The following SBF2 variants were observed in gnomAD, a reference collection of about 807,000 sequenced individuals.
SBF2 encodes SET binding factor 2.
A neutral mutation model predicts 225.2 loss-of-function variants in SBF2; 112 were observed. The ratio of observed to expected loss-of-function variants is 0.50; its 90% CI spans 0.43 to 0.58. The LOEUF is 0.58. Among genes scored for constraint, SBF2 ranks in the 20% least tolerant of loss-of-function variants. The pLI, the probability that SBF2 is intolerant of heterozygous loss-of-function variation, is 0.00. For synonymous variants in SBF2, 763 were observed against 773.3 expected (o/e 0.99, Z 0.22); for missense variants, 1,996 against 2,206.2 (o/e 0.90, Z 1.91).
intron 1 of SBF2, among the ~76,000 whole-genome samples, chr11:10,235,824 A>G (rs1256058841): frequency 1.3e-5 from 2 of 152,128 alleles, no homozygotes; most frequent in Non-Finnish European, 2.9e-5. Context: ...TTAAAAATGT[A>G]GTCCAGGATG....
At chr11:10,142,347 A>G (rs1011565516) in intron 2 of SBF2, among the ~76,000 whole-genome samples, 12 of 152,182 alleles carry the variant, frequency 7.9e-5, no homozygotes, top group Admixed American at 5.9e-4. Flanking sequence ...TCCTCCTGCA[A>G]TGTGAAAGGA....
chr11:9,915,637 T>C (rs1863021873), intron 16 of SBF2: 1 of 152,052 alleles, frequency 6.6e-6, no homozygotes, highest in African/African-American at 2.4e-5. Context: ...TTAAGGTTCC[T>C]GTGAGAAAAA....
At chr11:10,125,029 A>C (rs1591012181) in intron 2 of SBF2, among the ~76,000 whole-genome samples, 1 of 147,356 alleles carries the variant, frequency 6.8e-6, no homozygotes, top group Admixed American at 7.0e-5. Context: ...AATTGCTTGA[A>C]CCCGGGAGGC....
intron 16 of SBF2, among the ~76,000 whole-genome samples, chr11:9,916,601 TTTTTTC>T (rs902874881): frequency 2.7e-5 from 4 of 149,576 alleles, no homozygotes; most frequent in African/African-American, 7.4e-5. Context: ...TCTTTTCCTT[TTTTTTC>T]TTTTTTTTGA....
intron 28 of SBF2, among the ~76,000 whole-genome samples, chr11:9,817,850 A>G: frequency 6.6e-6 from 1 of 152,082 alleles, no homozygotes; most frequent in East Asian, 1.9e-4. Context: ...GAGCCAAGAT[A>G]GCGCCACTGC....
chr11:10,066,365 T>A (rs1565191302), intron 2 of SBF2, among the ~76,000 whole-genome samples: 1 of 151,364 alleles, frequency 6.6e-6, no homozygotes, highest in Admixed American at 6.6e-5. Flanking sequence ...TATCTTTTAT[T>A]TTAGCAAATT....
intron 1 of SBF2, among the ~76,000 whole-genome samples, chr11:10,287,716 G>A (rs1387447642): frequency 6.6e-6 from 1 of 152,186 alleles, no homozygotes; most frequent in Non-Finnish European, 1.5e-5. Flanking sequence ...TCTTTAGGGT[G>A]TCACTTTTCT....
intron 1 of SBF2, among the ~76,000 whole-genome samples, chr11:10,196,833 CATAAATATATATAT>C (rs1186327250): frequency 3.1e-5 from 3 of 96,044 alleles, no homozygotes; most frequent in Admixed American, 1.1e-4. Flanking sequence ...AGGTTTCTTG[CATAAATATATATAT>C]ATATATATAT....
At chr11:10,180,199 A>T (rs1206300175) in intron 2 of SBF2, among the ~76,000 whole-genome samples, 6 of 151,962 alleles carry the variant, frequency 3.9e-5, no homozygotes, top group Admixed American at 3.9e-4. Context: ...ATGATGTCTT[A>T]TTTCTTATTA....
intron 17 of SBF2, among the ~76,000 whole-genome samples, chr11:9,873,894 C>T (rs1256586101): frequency 2.0e-5 from 3 of 151,266 alleles, no homozygotes; most frequent in Non-Finnish European, 4.4e-5. Context: ...ACTAAAAATA[C>T]AAAAATTAGC....
chr11:9,783,506 C>G (rs939026855), intron 38 of SBF2, among the ~76,000 whole-genome samples: 2 of 152,084 alleles, frequency 1.3e-5, no homozygotes, highest in Admixed American at 1.3e-4. Context: ...GTGGTCAGTC[C>G]CAAGGTGGAG....
At position 9,961,947 on chromosome 11, in the gene SBF2, TA is replaced by T; in HGVS notation, c.1860+9del. 1 of 1,609,142 alleles carries T rather than the reference TA, an allele frequency of 6.2e-7. No individual in the cohort carries two copies. Among genetic ancestry groups the T allele is most frequent in the African/African-American group, 1.3e-5 (1 of 74,922 alleles). Reference sequence around the variant, plus strand: ...AATAAGAGGAATAATCTGAAAGAACTACAAATTACCTGTAGAGTACAATTCA... The same window carrying T: ...AATAAGAGGAATAATCTGAAAGAACTCAAATTACCTGTAGAGTACAATTCA... On this transcript the variant is annotated intron_variant, in intron 16 of 39. Coordinates refer to ENST00000256190, the MANE Select transcript of SBF2 (RefSeq NM_030962.4).
chr11:10,216,531 A>C (rs1958134627), intron 1 of SBF2, among the ~76,000 whole-genome samples: 2 of 152,262 alleles, frequency 1.3e-5, no homozygotes, highest in Non-Finnish European at 2.9e-5. Flanking sequence ...ACTTTAAGGA[A>C]CGTAGAAGAA....
At chr11:9,826,299 G>C (rs1453918057) in intron 28 of SBF2, among the ~76,000 whole-genome samples, 1 of 152,194 alleles carries the variant, frequency 6.6e-6, no homozygotes, top group East Asian at 1.9e-4. Context: ...AGAACACCTA[G>C]AGTGCTGGGT....
intron 27 of SBF2, among the ~76,000 whole-genome samples, chr11:9,831,413 G>A (rs986301042): frequency 6.6e-6 from 1 of 152,216 alleles, no homozygotes; most frequent in Non-Finnish European, 1.5e-5. Context: ...CTTCAAGGCA[G>A]GTGGAAGGCT....
intron 32 of SBF2, among the ~76,000 whole-genome samples, chr11:9,798,658 C>T (rs1171889944): frequency 6.6e-6 from 1 of 152,098 alleles, no homozygotes; most frequent in African/African-American, 2.4e-5. Flanking sequence ...TTTATTAAAG[C>T]CTCAAGGGCC....
chr11:10,168,365 G>A (rs1194788726), intron 2 of SBF2, among the ~76,000 whole-genome samples: 1 of 152,168 alleles, frequency 6.6e-6, no homozygotes. Context: ...TTTTCTCTAA[G>A]TACCTGCAAG....
chr11:9,931,530 T>A (rs2134260215), intron 16 of SBF2, among the ~76,000 whole-genome samples: 1 of 152,312 alleles, frequency 6.6e-6, no homozygotes, highest in Middle Eastern at 3.4e-3. Context: ...CACCTGCAGC[T>A]GAGGGACCTG....
chr11:9,865,984 T>C (rs545859022), intron 17 of SBF2, among the ~76,000 whole-genome samples: 2 of 152,310 alleles, frequency 1.3e-5, no homozygotes, highest in Admixed American at 6.5e-5. Context: ...TCATCATATA[T>C]TTCAACTGCC....
Sources: allele counts gnomAD v4.1 joint callset (sites outside exome capture counted in the v4.1 genomes callset), GRCh38; gene constraint gnomAD v4.1.1; transcripts MANE v1.5; gene names NCBI Gene and HGNC (gene_info 2026-07-23, HGNC 2026-07-21).